CNTNAP2: variants seen among roughly 807,000 people sequenced by gnomAD.
CNTNAP2 encodes contactin-associated protein-like 2.
In CNTNAP2, 98 loss-of-function variants were observed where a neutral mutation model predicts 155.2. The ratio of observed to expected loss-of-function variants is 0.63; its 90% CI spans 0.54 to 0.75. The LOEUF is 0.75. CNTNAP2 is among the 30% of genes least tolerant of loss of function. CNTNAP2 has a pLI of 0.00. For synonymous variants in CNTNAP2, 651 were observed against 631.2 expected, an observed-to-expected ratio of 1.03 and a Z score of -0.47; for missense variants, 1,727 against 1,688.1, an observed-to-expected ratio of 1.02 and a Z score of -0.40.
intron 1 of CNTNAP2, among the ~76,000 whole-genome samples, chr7:146,579,079 G>A (rs977854951): frequency 2.6e-5 from 4 of 152,074 alleles, no homozygotes; most frequent in Admixed American, 6.5e-5. Context: ...AAAAAGGTCT[G>A]TCCATAGTGA....
chr7:147,207,428 A>G (rs1803045851), intron 8 of CNTNAP2, among the ~76,000 whole-genome samples: 2 of 152,156 alleles, frequency 1.3e-5, no homozygotes, highest in Non-Finnish European at 2.9e-5. Context: ...GAACATTTTT[A>G]CTATTAATTG....
At chr7:147,544,044 A>G (rs565166304) in intron 11 of CNTNAP2, among the ~76,000 whole-genome samples, 8 of 152,322 alleles carry the variant, frequency 5.3e-5, no homozygotes, top group African/African-American at 1.9e-4. Context: ...GAGGGATTAA[A>G]TCTTTAAATA....
At chr7:147,851,601 G>A (rs1798942892) in intron 13 of CNTNAP2, among the ~76,000 whole-genome samples, 1 of 152,032 alleles carries the variant, frequency 6.6e-6, no homozygotes, top group Non-Finnish European at 1.5e-5. Context: ...CATAAAAAAT[G>A]TCCTTTGCAG....
At chr7:147,515,640 G>A (rs851835) in intron 11 of CNTNAP2, among the ~76,000 whole-genome samples, 99,799 of 151,738 alleles carry the variant, frequency 0.66, 33,402 homozygotes, top group South Asian at 0.77. Context: ...CTAATATACT[G>A]CATCTTTTGC....
At chr7:146,577,825 G>A (rs1798548187) in intron 1 of CNTNAP2, among the ~76,000 whole-genome samples, 1 of 151,980 alleles carries the variant, frequency 6.6e-6, no homozygotes, top group African/African-American at 2.4e-5. Context: ...AAAGTGAAGA[G>A]TTTGAAAAAA....
At chr7:147,003,357 G>T (rs965217595) in intron 3 of CNTNAP2, among the ~76,000 whole-genome samples, 4 of 151,704 alleles carry the variant, frequency 2.6e-5, no homozygotes, top group African/African-American at 9.7e-5. Flanking sequence ...AAAGTAGCAA[G>T]TTAAAAAGGG....
chr7:148,207,352 GT>G (rs1211201649), intron 18 of CNTNAP2, among the ~76,000 whole-genome samples: 1 of 152,190 alleles, frequency 6.6e-6, no homozygotes, highest in Non-Finnish European at 1.5e-5. Context: ...GCCACGTGGA[GT>G]ACGCGAAGGA....
chr7:147,279,220 A>G (rs1374456685), intron 8 of CNTNAP2, among the ~76,000 whole-genome samples: 5 of 151,652 alleles, frequency 3.3e-5, no homozygotes, highest in Non-Finnish European at 7.4e-5. Flanking sequence ...TTATAAATGT[A>G]TTATTTCTTC....
intron 1 of CNTNAP2, among the ~76,000 whole-genome samples, chr7:146,611,809 T>A (rs1233647291): frequency 2.6e-5 from 4 of 152,208 alleles, no homozygotes; most frequent in Non-Finnish European, 5.9e-5. Context: ...CTTCAGACTA[T>A]CTTGATATTC....
intron 15 of CNTNAP2, among the ~76,000 whole-genome samples, chr7:148,025,389 A>C (rs1003144553): frequency 6.6e-6 from 1 of 152,144 alleles, no homozygotes; most frequent in Non-Finnish European, 1.5e-5. Flanking sequence ...CCTATGATTT[A>C]ATCCCCAGTC....
At chr7:147,243,959 T>G (rs372625767) in intron 8 of CNTNAP2, among the ~76,000 whole-genome samples, 90 of 152,322 alleles carry the variant, frequency 5.9e-4, no homozygotes, top group African/African-American at 2.0e-3. Flanking sequence ...ATTGAAGACA[T>G]AGACAGTTTT....
intron 20 of CNTNAP2, among the ~76,000 whole-genome samples, chr7:148,260,438 G>A (rs1322248056): frequency 1.3e-5 from 2 of 152,164 alleles, no homozygotes; most frequent in Non-Finnish European, 2.9e-5. Context: ...CTTGTACACA[G>A]CAGTTGCTCA....
rs533985882 is a variant in CNTNAP2, at chr7:147,330,512, G to A, written c.1498+30222G>A. Among the ~76,000 whole-genome samples the A allele has an allele frequency of 2.5e-3, 385 of 152,284 alleles. 7 individuals are homozygous for A. The highest frequency in any genetic ancestry group is 0.02 in the Middle Eastern group (6 of 294). On this transcript the variant is annotated intron_variant, in intron 9 of 23. Transcript: ENST00000361727. ...TGAAGCATTGATGGGTTGGACTTAT[G>A]ATTGGCATCTGAATTATGATTTTGG...
At chr7:148,168,935 A>T (rs1374409232) in intron 17 of CNTNAP2, among the ~76,000 whole-genome samples, 1 of 152,220 alleles carries the variant, frequency 6.6e-6, no homozygotes, top group Admixed American at 6.5e-5. Context: ...AGGTCTTTAT[A>T]AGCCTCTGAC....
At chr7:147,487,506 C>T (rs1279431654) in intron 11 of CNTNAP2, among the ~76,000 whole-genome samples, 1 of 152,104 alleles carries the variant, frequency 6.6e-6, no homozygotes, top group Non-Finnish European at 1.5e-5. Context: ...TAATTTTTAT[C>T]GTGTGTTATA....
intron 15 of CNTNAP2, among the ~76,000 whole-genome samples, chr7:148,040,493 C>T (rs989448000): frequency 6.6e-6 from 1 of 152,164 alleles, no homozygotes; most frequent in Non-Finnish European, 1.5e-5. Context: ...GTTCTAATGT[C>T]GGTCACAATC....
chr7:146,736,149 A>G (rs1801616325), intron 1 of CNTNAP2, among the ~76,000 whole-genome samples: 1 of 152,216 alleles, frequency 6.6e-6, no homozygotes, highest in African/African-American at 2.4e-5. Flanking sequence ...GAAATGGTTT[A>G]TAGTATGAGG....
intron 2 of CNTNAP2, 58 bp from the exon 3 acceptor site, chr7:146,839,653 G>C: frequency 6.4e-7 from 1 of 1,568,092 alleles, no homozygotes; most frequent in Non-Finnish European, 8.8e-7. Context: ...TCCATTGTCA[G>C]TTGTACAAGT....
At chr7:147,363,288 A>G (rs886077019) in intron 9 of CNTNAP2, among the ~76,000 whole-genome samples, 1 of 152,196 alleles carries the variant, frequency 6.6e-6, no homozygotes, top group African/African-American at 2.4e-5. Flanking sequence ...CTCTCCTGAC[A>G]CTGGATCTGC....
Sources: gnomAD v4.1 joint callset for allele counts (sites outside exome capture counted in the v4.1 genomes callset) on GRCh38, gnomAD v4.1.1 for gene constraint, MANE v1.5 for transcripts, NCBI Gene and HGNC (gene_info 2026-07-23, HGNC 2026-07-21) for gene names.